Variants in PHLDB2 observed in about 807,000 individuals in gnomAD.
PHLDB2 encodes the protein pleckstrin homology-like domain family B member 2.
In PHLDB2, 71 loss-of-function variants were observed where a neutral mutation model predicts 123.6. The ratio of observed to expected loss-of-function variants is 0.57; its 90% CI spans 0.47 to 0.70. The LOEUF (loss-of-function observed/expected upper bound fraction) is 0.70. Among genes scored for constraint, PHLDB2 ranks in the 30% least tolerant of loss-of-function variants. PHLDB2 has a pLI of 0.00. For missense variants in PHLDB2, 1,446 were observed against 1,519.5 expected (o/e 0.95, Z 0.80); for synonymous variants, 547 against 541.6 (o/e 1.01, Z -0.14).
chr3:111,891,802 G>A (rs1407325867), intron 2 of PHLDB2, among the ~76,000 whole-genome samples: 1 of 152,132 alleles, frequency 6.6e-6, no homozygotes, highest in African/African-American at 2.4e-5. Context: ...GTAGTCCAGA[G>A]GTAGTGATGG....
chr3:111,748,421 G>C (rs1413503324), intron 1 of PHLDB2, among the ~76,000 whole-genome samples: 1 of 152,230 alleles, frequency 6.6e-6, no homozygotes, highest in African/African-American at 2.4e-5. Context: ...CCTGAAATAG[G>C]AGGGCAGGGC....
At chr3:111,905,603 G>A (rs1472217232) in intron 2 of PHLDB2, among the ~76,000 whole-genome samples, 4 of 152,004 alleles carry the variant, frequency 2.6e-5, no homozygotes, top group Admixed American at 6.5e-5. Context: ...GTGATCCACC[G>A]CCTTGGTCTC....
chr3:111,841,823 T>A (rs1256215887), intron 1 of PHLDB2, among the ~76,000 whole-genome samples: 1 of 152,200 alleles, frequency 6.6e-6, no homozygotes, highest in African/African-American at 2.4e-5. Context: ...TCTACCACTC[T>A]AAGACTGATA....
intron 1 of PHLDB2, among the ~76,000 whole-genome samples, chr3:111,746,234 T>G (rs139537158): frequency 1.3e-5 from 2 of 152,248 alleles, no homozygotes; most frequent in African/African-American, 4.8e-5. Flanking sequence ...GCTTATTCCT[T>G]CTGTTGAGAC....
intron 1 of PHLDB2, among the ~76,000 whole-genome samples, chr3:111,834,231 AT>A (rs2063273068): frequency 2.3e-5 from 2 of 88,524 alleles, no homozygotes; most frequent in East Asian, 4.7e-4. Context: ...TATATATATT[AT>A]GTATATAATA....
chr3:111,898,993 AT>A (rs1426759768), intron 2 of PHLDB2, among the ~76,000 whole-genome samples: 1 of 152,212 alleles, frequency 6.6e-6, no homozygotes, highest in African/African-American at 2.4e-5. Context: ...CTGAACCAAA[AT>A]GTATTTAATG....
chr3:111,837,501 G>A (rs943524095), intron 1 of PHLDB2, among the ~76,000 whole-genome samples: 1 of 152,154 alleles, frequency 6.6e-6, no homozygotes, highest in African/African-American at 2.4e-5. Context: ...AAATAAATCT[G>A]AGAAATGCTG....
chr3:111,876,905 C>CT (rs36188918), intron 1 of PHLDB2, among the ~76,000 whole-genome samples: 2 of 152,070 alleles, frequency 1.3e-5, no homozygotes, highest in Admixed American at 1.3e-4. Context: ...TGAACTTATC[C>CT]TTTTTAAGGC....
chr3:111,742,522 C>T (rs1326504975), intron 1 of PHLDB2, among the ~76,000 whole-genome samples: 5 of 152,190 alleles, frequency 3.3e-5, no homozygotes, highest in South Asian at 4.1e-4. Flanking sequence ...CAAGTGTTCT[C>T]ATTGTTCAAT....
rs142928437 is a variant in PHLDB2, at chr3:111,780,396, A to G, written c.-49+47693A>G. 7.3e-4 allele frequency among the ~76,000 whole-genome samples: 36 copies of G among 49,244 alleles called. 3 individuals carry two copies. Among genetic ancestry groups the G allele is most frequent in the East Asian group, 5.4e-3 (2 of 370 alleles). The allele number at this position is 49,244 out of a possible 152,430, so 32.3% of individuals were successfully genotyped here. A position where few individuals can be genotyped will look rare whatever the true frequency, so the allele number is the denominator to read the frequency against. ...AAGAAGAAGAAGAAGAAGAAGAAGAAGAAGAAGAAGAAGAAAAAGATTAGT... is the reference window on the plus strand; with the variant it reads ...AAGAAGAAGAAGAAGAAGAAGAAGAGGAAGAAGAAGAAGAAAAAGATTAGT... On this transcript the variant is annotated intron_variant, in intron 1 of 17. Transcript: ENST00000393923.
At chr3:111,863,718 C>T (rs2064941657) in intron 1 of PHLDB2, among the ~76,000 whole-genome samples, 1 of 152,080 alleles carries the variant, frequency 6.6e-6, no homozygotes, top group Non-Finnish European at 1.5e-5. Flanking sequence ...CATGTGTTTA[C>T]CTAATGGGAA....
intron 1 of PHLDB2, among the ~76,000 whole-genome samples, chr3:111,756,876 T>A (rs1469317757): frequency 1.3e-5 from 2 of 152,216 alleles, no homozygotes; most frequent in Admixed American, 6.5e-5. Flanking sequence ...TTTGCTTGTC[T>A]GTAAAGTATT....
At chr3:111,761,340 A>G (rs2059990979) in intron 1 of PHLDB2, among the ~76,000 whole-genome samples, 1 of 152,178 alleles carries the variant, frequency 6.6e-6, no homozygotes, top group African/African-American at 2.4e-5. Flanking sequence ...GGAAATGAGC[A>G]AGTGGTTCCA....
chr3:111,792,237 C>A (rs2060957382), intron 1 of PHLDB2, among the ~76,000 whole-genome samples: 1 of 152,150 alleles, frequency 6.6e-6, no homozygotes, highest in Non-Finnish European at 1.5e-5. Context: ...TTTGGAAATA[C>A]TTTATTTCTC....
At chr3:111,766,612 G>T (rs1440762944) in intron 1 of PHLDB2, among the ~76,000 whole-genome samples, 1 of 152,060 alleles carries the variant, frequency 6.6e-6, no homozygotes, top group Non-Finnish European at 1.5e-5. Flanking sequence ...ATTCCAGCCT[G>T]GACAACACAG....
chr3:111,811,653 C>T (rs909778626), intron 1 of PHLDB2, among the ~76,000 whole-genome samples: 7 of 152,038 alleles, frequency 4.6e-5, no homozygotes, highest in African/African-American at 1.7e-4. Flanking sequence ...TACACACACA[C>T]ATACACACAC....
At chr3:111,842,603 A>G (rs1378854652) in intron 1 of PHLDB2, among the ~76,000 whole-genome samples, 1 of 152,200 alleles carries the variant, frequency 6.6e-6, no homozygotes, top group Admixed American at 6.5e-5. Context: ...AACAGCTTTT[A>G]TTGAGATATA....
intron 5 of PHLDB2, among the ~76,000 whole-genome samples, chr3:111,931,559 G>T (rs1323533138): frequency 6.6e-6 from 1 of 152,074 alleles, no homozygotes; most frequent in Non-Finnish European, 1.5e-5. Context: ...GTCGTTGTGG[G>T]AAAGTCTGTA....
intron 1 of PHLDB2, among the ~76,000 whole-genome samples, chr3:111,742,718 C>T (rs1348071457): frequency 6.6e-6 from 1 of 152,180 alleles, no homozygotes; most frequent in East Asian, 1.9e-4. Flanking sequence ...AGTTGTTGGA[C>T]ATTTGGGTTG....
Sources: gnomAD v4.1 joint callset for allele counts (sites outside exome capture counted in the v4.1 genomes callset) on GRCh38, gnomAD v4.1.1 for gene constraint, MANE v1.5 for transcripts, NCBI Gene and HGNC (gene_info 2026-07-23, HGNC 2026-07-21) for gene names.